Variants in SH3YL1 observed in about 807,000 individuals in gnomAD.
SH3YL1 encodes the protein SH3 domain-containing YSC84-like protein 1.
SH3YL1 carries 41 observed loss-of-function variants against 45.8 expected under a neutral mutation model. The observed-to-expected ratio is 0.89, with a 90% CI of 0.70 to 1.16. The LOEUF (loss-of-function observed/expected upper bound fraction) is 1.16. Ranked by LOEUF, SH3YL1 falls within the 50% of genes most tolerant of loss-of-function variation. SH3YL1 has a pLI of 0.00. For synonymous variants in SH3YL1, 152 were observed against 151.4 expected, an observed-to-expected ratio of 1.00 and a Z score of -0.03; for missense variants, 389 against 409.6, an observed-to-expected ratio of 0.95 and a Z score of 0.43.
Position 235,585 on chromosome 2 carries a change from C to T in SH3YL1, c.292-1313G>A, listed in dbSNP as rs868507564. Among the ~76,000 whole-genome samples the T allele has an allele frequency of 4.4e-4, 12 of 27,390 alleles. 1 individual carries two copies. Among genetic ancestry groups the T allele is most frequent in the African/African-American group, 1.7e-3 (10 of 5,788 alleles). 18.0% of individuals were successfully genotyped at this position (27,390 alleles called of 152,430 possible). A position where few individuals can be genotyped will look rare whatever the true frequency, so the allele number is the denominator to read the frequency against. On this transcript the variant is annotated intron_variant, in intron 4 of 9. Transcript: ENST00000356150. ...GCATGGGCCAGGGGAGGCAGCAGCACGGGCCAGGGGAGGCAGCATGGGCCA... is the reference window on the plus strand; with the variant it reads ...GCATGGGCCAGGGGAGGCAGCAGCATGGGCCAGGGGAGGCAGCATGGGCCA...
chr2:237,710 A>G (rs1375583821), intron 4 of SH3YL1, among the ~76,000 whole-genome samples: 2 of 152,188 alleles, frequency 1.3e-5, no homozygotes, highest in East Asian at 3.8e-4. Flanking sequence ...TAAAGAAATG[A>G]CAAATATTTA....
chr2:229,841 T>C, intron 8 of SH3YL1, 125 bp downstream of exon 8: 1 of 677,706 alleles, frequency 1.5e-6, no homozygotes. Context: ...GCACTTATTT[T>C]ACTCTTAAAT....
intron 2 of SH3YL1, among the ~76,000 whole-genome samples, chr2:250,816 A>G (rs1669039857): frequency 6.6e-6 from 1 of 152,242 alleles, no homozygotes; most frequent in South Asian, 2.1e-4. Context: ...TGAAGTTTGC[A>G]TGCAGAACAT....
intron 3 of SH3YL1, among the ~76,000 whole-genome samples, chr2:248,484 T>TG (rs1248395958): frequency 6.6e-6 from 1 of 152,208 alleles, no homozygotes; most frequent in Non-Finnish European, 1.5e-5. Flanking sequence ...GCCAGGATCC[T>TG]GGGGAACATG....
chr2:242,987 T>C (rs1378670669), intron 4 of SH3YL1: 1 of 608,994 alleles, frequency 1.6e-6, no homozygotes, highest in East Asian at 3.5e-5. Flanking sequence ...TACACATATA[T>C]TTATACAAGC....
At chr2:229,704 G>T in intron 8 of SH3YL1, among the ~76,000 whole-genome samples, 1 of 144,000 alleles carries the variant, frequency 6.9e-6, no homozygotes. Context: ...ACTCCAGCCT[G>T]GGCGACAGAG....
At chr2:231,330 A>G in intron 6 of SH3YL1, 139 bp from the exon 7 acceptor site, 1 of 670,004 alleles carries the variant, frequency 1.5e-6, no homozygotes, top group Admixed American at 3.1e-5. Context: ...TTTAAACACT[A>G]ACTTTAAGCA....
At chr2:235,416 C>T (rs913550457) in intron 4 of SH3YL1, among the ~76,000 whole-genome samples, 2 of 95,460 alleles carry the variant, frequency 2.1e-5, no homozygotes, top group African/African-American at 8.2e-5. Flanking sequence ...CCAGGGGAGG[C>T]AGCATGGGTC....
intron 9 of SH3YL1, among the ~76,000 whole-genome samples, chr2:220,267 T>G (rs1371961360): frequency 6.6e-6 from 1 of 151,938 alleles, no homozygotes; most frequent in Non-Finnish European, 1.5e-5. Context: ...TTTAAACTAC[T>G]CTGACTAAAA....
At chr2:233,255 C>CAAAA in intron 5 of SH3YL1, 26 bp from the exon 6 acceptor site, 2 of 1,537,322 alleles carry the variant, frequency 1.3e-6, no homozygotes, top group Non-Finnish European at 1.8e-6. Flanking sequence ...TTTTGCATCA[C>CAAAA]AAAGCTGTGA....
intron 8 of SH3YL1, 137 bp downstream of exon 8, chr2:229,829 G>T: frequency 1.7e-6 from 1 of 588,376 alleles, no homozygotes; most frequent in Non-Finnish European, 3.0e-6. Flanking sequence ...AGAAGAGGCT[G>T]AGCACTTATT....
chr2:231,110 T>C lies in SH3YL1; in HGVS notation c.615A>G (p.Glu205=), dbSNP rs755646849. 1.2e-6 allele frequency: 2 copies of C among 1,614,134 alleles called. No homozygotes were observed. Among genetic ancestry groups the C allele is most frequent in the South Asian group, 1.1e-5 (1 of 91,080 alleles). ...PRPAQAEDLY[E]ILDSFTEKYE... is the part of the protein sequence containing the mutation. ...ACTTTTCAGTAAAGGAATCAAGAAT[T>C]TCATAAAGATCTTCGGCTTGAGCAG... Residue 205 remains glutamate, a synonymous_variant, in exon 7 of 10, where the codon GAA becomes GAG. Coordinates refer to ENST00000356150, the MANE Select transcript of SH3YL1 (RefSeq NM_015677.4).
Position 231,178 on chromosome 2 carries a change from C to T in SH3YL1, c.547G>A (p.Asp183Asn). 1 of 1,609,322 alleles carries T rather than the reference C, an allele frequency of 6.2e-7. No individual in the cohort carries two copies. The highest frequency in any genetic ancestry group is 1.3e-5 in the African/African-American group (1 of 74,736). The change falls in exon 7 of 10, where the codon GAT becomes AAT. Residue 183 changes from aspartate to asparagine, a missense_variant. Asp to Asn is a conservative substitution (Grantham distance 23, BLOSUM62 1). Coordinates refer to ENST00000356150, the MANE Select transcript of SH3YL1 (RefSeq NM_015677.4). ...KETNRKFYCQ[D>N]IRAYDILFGD... ...AATAAAATGTCATAAGCTCGGATAT[C>T]TTGACAATAAAATCTAATGGGAAAT... is the stretch of plus-strand genomic sequence containing the variant.
intron 1 of SH3YL1, chr2:262,621 C>T (rs1028259403): frequency 1.8e-5 from 23 of 1,304,156 alleles, no homozygotes; most frequent in Admixed American, 2.3e-5. Context: ...CTTATCATGA[C>T]GCCACTCACT....
chr2:227,527 T>A (rs529617059), intron 8 of SH3YL1, among the ~76,000 whole-genome samples: 1 of 152,142 alleles, frequency 6.6e-6, no homozygotes, highest in African/African-American at 2.4e-5. Context: ...ACTTAGGGAT[T>A]TCTACGCGGA....
In SH3YL1 at chr2:230,016, G is replaced by C; in HGVS notation, c.731C>G (p.Ser244Ter). ...TGGTGCAGATGACTGCTGTGGTCTT[G>C]ACAATGGCTTTGGAGGTAATTCTTT... Reference protein sequence around the residue: ...SAKELPPKPLSRPQQSSAPVQ... With the variant: ...SAKELPPKPL The change falls in exon 8 of 10, where the codon TCA becomes TGA. Residue 244 changes from serine (S) to a stop codon, truncating the protein, a stop_gained. Coordinates refer to ENST00000356150, the MANE Select transcript of SH3YL1 (RefSeq NM_015677.4). LOFTEE classifies it high-confidence loss of function. 1 of 1,609,786 alleles carries C rather than the reference G, an allele frequency of 6.2e-7. No homozygotes were observed. Among genetic ancestry groups the C allele is most frequent in the Non-Finnish European group, 8.5e-7 (1 of 1,177,496 alleles).
chr2:255,586 A>G (rs1669284833), intron 1 of SH3YL1, among the ~76,000 whole-genome samples: 1 of 152,228 alleles, frequency 6.6e-6, no homozygotes, highest in Non-Finnish European at 1.5e-5. Flanking sequence ...AACAGGGCAA[A>G]GCCCTGCCTC....
At chr2:260,846 T>C (rs1337402974) in intron 1 of SH3YL1, 4 of 152,254 alleles carry the variant, frequency 2.6e-5, no homozygotes, top group Non-Finnish European at 5.9e-5. Flanking sequence ...AATTCCTCAG[T>C]TGAGAGTTAA....
intron 1 of SH3YL1, among the ~76,000 whole-genome samples, chr2:258,015 T>C (rs556708177): frequency 6.6e-6 from 1 of 152,296 alleles, no homozygotes; most frequent in South Asian, 2.1e-4. Context: ...GTTCTATGAG[T>C]CTGTTTTTGT....
Sources: allele counts gnomAD v4.1 joint callset (sites outside exome capture counted in the v4.1 genomes callset), GRCh38; gene constraint gnomAD v4.1.1; transcripts MANE v1.5; gene names NCBI Gene and HGNC (gene_info 2026-07-23, HGNC 2026-07-21).